Variants in EHBP1L1 observed in about 807,000 individuals in gnomAD.
EHBP1L1 encodes EH domain binding protein 1 like 1.
In EHBP1L1, 122 loss-of-function variants were observed where a neutral mutation model predicts 151.1. The ratio of observed to expected loss-of-function variants is 0.81; its 90% confidence interval spans 0.70 to 0.94. The LOEUF (loss-of-function observed/expected upper bound fraction) is 0.94. Ranked by LOEUF, EHBP1L1 falls within the 40% of genes least tolerant of loss-of-function variation. The pLI is 0.00. For missense variants in EHBP1L1, 1,941 were observed against 1,959.8 expected, an observed-to-expected ratio of 0.99 and a Z score of 0.18; for synonymous variants, 878 against 810.1, an observed-to-expected ratio of 1.08 and a Z score of -1.42.
chr11:65,583,415 C>A lies in EHBP1L1; in HGVS notation c.2743C>A (p.Gln915Lys), dbSNP rs777713084. The A allele has an allele frequency of 4.5e-5, 72 of 1,613,236 alleles. No individual in the cohort carries two copies. The highest frequency in any genetic ancestry group is 6.0e-5 in the Non-Finnish European group (71 of 1,179,722). Residue 915 changes from glutamine to lysine, a missense_variant, in exon 9 of 19, where the codon CAG becomes AAG. Gln to Lys is a moderately conservative substitution (Grantham distance 53). Transcript: ENST00000309295. ...CACTCAGCCAAGAGTTTTAGGATCC[C>A]AGGAAGCAAAAGCAGAGATTTCAGG... ...PVTQPRVLGS[Q>K]EAKAEISGVQ...
chr11:65,585,510 G>T lies in EHBP1L1; in HGVS notation c.3852G>T (p.Lys1284Asn). ...FSHVRDADLLKKRRSRLRNSS... is the reference protein window; with the variant it reads ...FSHVRDADLLNKRRSRLRNSS... ...ACGTGCGCGACGCGGACCTGCTCAAGAAGAGGCGCTCGCGGCTGCGGAACA... is the reference window on the plus strand; with the variant it reads ...ACGTGCGCGACGCGGACCTGCTCAATAAGAGGCGCTCGCGGCTGCGGAACA... Residue 1284 changes from lysine to asparagine, a missense_variant, in exon 12 of 19, where the codon AAG becomes AAT. Transcript: ENST00000309295. This position sits in a 1 kb window ranked among gnomAD's most constrained non-coding sequence, Gnocchi z 4.0. 6.4e-7 allele frequency: 1 copy of T among 1,566,610 alleles called. No individual in the cohort carries two copies. Among genetic ancestry groups the T allele is most frequent in the East Asian group, 2.4e-5 (1 of 42,430 alleles).
intron 11 of EHBP1L1, 156 bp from the exon 12 acceptor site, chr11:65,584,803 C>A: frequency 1.8e-6 from 2 of 1,108,696 alleles, no homozygotes; most frequent in Non-Finnish European, 1.3e-6. Context: ...CGAGGGCGGG[C>A]CTTGTTGCTG....
rs1367620824 is a variant in EHBP1L1, at chr11:65,581,547, G to C, written c.875G>C (p.Arg292Thr). The C allele has an allele frequency of 1.1e-5, 17 of 1,495,462 alleles. No homozygotes were observed. The highest frequency in any genetic ancestry group is 4.9e-5 in the Admixed American group (2 of 40,664). The allele number at this position is 1,495,462 out of a possible 1,614,324, so 92.6% of individuals were successfully genotyped here. A position where few individuals can be genotyped will look rare whatever the true frequency, so the allele number is the denominator to read the frequency against. Residue 292 changes from arginine to threonine, a missense_variant, in exon 9 of 19, where the codon AGG (arginine) becomes ACG (threonine). Arg to Thr is a moderately conservative substitution (Grantham distance 71, BLOSUM62 -1). Coordinates refer to ENST00000309295, the MANE Select transcript of EHBP1L1 (RefSeq NM_001099409.3). ...PETSPEMRSSRQPAQDTAPTP... is the reference protein window; with the variant it reads ...PETSPEMRSSTQPAQDTAPTP... Reference sequence around the variant, plus strand: ...TCCTGCTCTCTTCTCAGGTCTTCAAGGCAGCCAGCCCAGGACACGGCCCCC... The same window carrying C: ...TCCTGCTCTCTTCTCAGGTCTTCAACGCAGCCAGCCCAGGACACGGCCCCC...
In EHBP1L1 at chr11:65,581,945, G is replaced by C. The variant is rs776683152; in HGVS notation, c.1273G>C (p.Asp425His). The C allele has an allele frequency of 6.2e-7, 1 of 1,613,850 alleles. No homozygotes were observed. The highest frequency in any genetic ancestry group is 2.2e-5 in the East Asian group (1 of 44,886). The stretch of plus-strand genomic sequence containing the variant: ...AGAGAGTTCAGCAGTTTGTCAAGTG[G>C]ATGCTGAGCAGAGGTCAAAGGTGAG... ...AEESSAVCQV[D>H]AEQRSKVRHV... The change falls in exon 9 of 19, where the codon GAT becomes CAT. Residue 425 changes from aspartate (D) to histidine (H), a missense_variant. Physicochemically the swap from Asp to His is moderately conservative, Grantham distance 81. Coordinates refer to ENST00000309295, the MANE Select transcript of EHBP1L1 (RefSeq NM_001099409.3).
rs1274076257 is a variant in EHBP1L1, at chr11:65,583,614, T to C, written c.2942T>C (p.Val981Ala). Residue 981 changes from valine (V) to alanine (A), a missense_variant, in exon 9 of 19, where the codon GTC becomes GCC. Coordinates refer to ENST00000309295, the MANE Select transcript of EHBP1L1 (RefSeq NM_001099409.3). ...TFKAQEAEAGVLGNEKGKEAE... is the reference protein window; with the variant it reads ...TFKAQEAEAGALGNEKGKEAE... ...AAGGCCCAGGAAGCGGAGGCTGGGG[T>C]CTTGGGAAATGAGAAGGGGAAAGAA... The C allele has an allele frequency of 6.2e-7, 1 of 1,607,612 alleles. No individual in the cohort carries two copies. Among genetic ancestry groups the C allele is most frequent in the South Asian group, 1.1e-5 (1 of 90,200 alleles).
In EHBP1L1 at chr11:65,576,288, G is replaced by A. The variant is rs777134983; in HGVS notation, c.-15G>A. On this transcript the variant is annotated 5_prime_UTR_variant, in exon 1 of 19. Coordinates refer to ENST00000309295, the MANE Select transcript of EHBP1L1 (RefSeq NM_001099409.3). Reference sequence around the variant, plus strand: ...GCCCCGGGCCTGAGAAGTGGGCGGCGGGGTGGCGGGGGCCATGACCTCGGT... The same window carrying A: ...GCCCCGGGCCTGAGAAGTGGGCGGCAGGGTGGCGGGGGCCATGACCTCGGT... 3 of 1,571,830 alleles carry A rather than the reference G, an allele frequency of 1.9e-6. No individual in the cohort carries two copies. Among genetic ancestry groups the A allele is most frequent in the South Asian group, 2.3e-5 (2 of 86,748 alleles).
Position 65,582,219 on chromosome 11 carries a change from C to A in EHBP1L1, c.1547C>A (p.Pro516His). ...REGAEVRGGA[P>H]GIEGTGLEQG... ...GGTGCAGAAGTGAGGGGTGGAGCAC[C>A]TGGTATTGAGGGGACAGGCCTGGAG... Residue 516 changes from proline (P) to histidine (H), a missense_variant, in exon 9 of 19, where the codon CCT becomes CAT. By Grantham distance (77) the Pro-to-His change is moderately conservative. Transcript: ENST00000309295. 6.5e-7 allele frequency: 1 copy of A among 1,532,254 alleles called. No homozygotes were observed. Among genetic ancestry groups the A allele is most frequent in the Non-Finnish European group, 8.7e-7 (1 of 1,143,604 alleles). 94.9% of individuals were successfully genotyped at this position (1,532,254 alleles called of 1,614,324 possible).
Position 65,585,062 on chromosome 11 carries a change from G to T in EHBP1L1, c.3404G>T (p.Cys1135Phe). The change falls in exon 12 of 19, where the codon TGC becomes TTC. Residue 1135 changes from cysteine (C) to phenylalanine (F), a missense_variant. Physicochemically the swap from Cys to Phe is radical, Grantham distance 205 (BLOSUM62 -2). Transcript: ENST00000309295. The surrounding 1 kb of genome is among the most constrained non-coding windows in gnomAD (Gnocchi z 4.0). ...PDKLIVMTYL[C>F]QIRAFCTGQE... The stretch of plus-strand genomic sequence containing the variant: ...AAGCTCATCGTCATGACGTACCTGT[G>T]CCAGATCCGCGCCTTCTGCACCGGG... 6.5e-7 allele frequency: 1 copy of T among 1,543,896 alleles called. No homozygotes were observed. The highest frequency in any genetic ancestry group is 1.2e-5 in the South Asian group (1 of 84,492).
chr11:65,581,243 C>T lies in EHBP1L1; in HGVS notation c.736C>T (p.Pro246Ser), dbSNP rs1411185996. ...CCCTTCTAATGCTGAGGATACCAGC[C>T]CAGCCCCTGTGAGTGCTCCTGCACC... The part of the protein sequence containing the change: ...ASPSNAEDTS[P>S]APVSAPAPPA... The change falls in exon 8 of 19, where the codon CCA (proline) becomes TCA (serine). Residue 246 changes from proline to serine, a missense_variant. Coordinates refer to ENST00000309295, the MANE Select transcript of EHBP1L1 (RefSeq NM_001099409.3). 2 of 1,611,548 alleles carry T rather than the reference C, an allele frequency of 1.2e-6. No individual in the cohort carries two copies. The highest frequency in any genetic ancestry group is 2.2e-5 in the South Asian group (2 of 90,980).
chr11:65,589,524 C>T (rs894826442), intron 12 of EHBP1L1, among the ~76,000 whole-genome samples: 1 of 152,170 alleles, frequency 6.6e-6, no homozygotes, highest in East Asian at 1.9e-4. Context: ...GGCCCAGGGC[C>T]ACAGGGCCAG....
At chr11:65,581,420 C>A (rs1433860197) in intron 8 of EHBP1L1, 47 bp downstream of exon 8, 2 of 1,476,076 alleles carry the variant, frequency 1.4e-6, no homozygotes, top group South Asian at 2.8e-5. Flanking sequence ...CTGATAGGAG[C>A]TGCAGTCCTC....
In EHBP1L1 at chr11:65,591,842, C is replaced by G; in HGVS notation, c.4326C>G (p.Ser1442Arg). 1 of 1,474,572 alleles carries G rather than the reference C, an allele frequency of 6.8e-7. No individual in the cohort carries two copies. The highest frequency in any genetic ancestry group is 9.1e-7 in the Non-Finnish European group (1 of 1,100,398). 91.3% of individuals were successfully genotyped at this position (1,474,572 alleles called of 1,614,324 possible). Residue 1442 changes from serine (S) to arginine (R), a missense_variant, in exon 17 of 19, where the codon AGC (serine) becomes AGG (arginine). Physicochemically the swap from Ser to Arg is moderately radical, Grantham distance 110. Coordinates refer to ENST00000309295, the MANE Select transcript of EHBP1L1 (RefSeq NM_001099409.3). ...QDLERRFELL[S>R]RELRAMLAIE... ...TGGAGCGAAGGTTCGAGCTGCTGAG[C>G]CGCGAGCTGCGGGCCATGCTGGCCA...
In EHBP1L1 at chr11:65,585,031, C is replaced by A. The variant is rs913537293; in HGVS notation, c.3373C>A (p.Pro1125Thr). The A allele has an allele frequency of 6.5e-7, 1 of 1,537,142 alleles. No homozygotes were observed. Among genetic ancestry groups the A allele is most frequent in the Non-Finnish European group, 8.7e-7 (1 of 1,147,910 alleles). Residue 1125 changes from proline (P) to threonine (T), a missense_variant, in exon 12 of 19, where the codon CCC becomes ACC. Pro to Thr is a conservative substitution (Grantham distance 38). Coordinates refer to ENST00000309295, the MANE Select transcript of EHBP1L1 (RefSeq NM_001099409.3). This position sits in a 1 kb window ranked among gnomAD's most constrained non-coding sequence, Gnocchi z 4.0. ...EPADMVLLSV[P>T]DKLIVMTYLC... Reference sequence around the variant, plus strand: ...CGCGGACATGGTGCTACTGTCGGTGCCCGACAAGCTCATCGTCATGACGTA... The same window carrying A: ...CGCGGACATGGTGCTACTGTCGGTGACCGACAAGCTCATCGTCATGACGTA...
intron 1 of EHBP1L1, among the ~76,000 whole-genome samples, chr11:65,576,827 G>A (rs1450072180): frequency 1.3e-5 from 2 of 152,164 alleles, no homozygotes; most frequent in African/African-American, 2.4e-5. Context: ...TAAGAACAGA[G>A]ATGTTGCCCC....
intron 14 of EHBP1L1, 25 bp from the exon 15 acceptor site, chr11:65,590,062 T>G (rs1018051882): frequency 6.2e-7 from 1 of 1,613,728 alleles, no homozygotes; most frequent in Non-Finnish European, 8.5e-7. Context: ...GAGTCCACCC[T>G]GTTCTCTGCC....
At position 65,583,076 on chromosome 11, in the gene EHBP1L1, G is replaced by A. The variant is rs1354353110; in HGVS notation, c.2404G>A (p.Gly802Arg). The A allele has an allele frequency of 1.2e-6, 2 of 1,613,264 alleles. No homozygotes were observed. The highest frequency in any genetic ancestry group is 1.7e-6 in the Non-Finnish European group (2 of 1,179,736). ...DTTGIQVKEV[G>R]GSEVPEIATG... The stretch of plus-strand genomic sequence containing the variant: ...AACAGGGATCCAGGTGAAAGAGGTT[G>A]GGGGTTCAGAGGTTCCAGAGATAGC... Residue 802 changes from glycine to arginine, a missense_variant, in exon 9 of 19, where the codon GGG becomes AGG. Coordinates refer to ENST00000309295, the MANE Select transcript of EHBP1L1 (RefSeq NM_001099409.3).
intron 18 of EHBP1L1, 38 bp from the exon 19 acceptor site, chr11:65,592,165 C>A: frequency 6.2e-7 from 1 of 1,603,006 alleles, no homozygotes. Context: ...GTGTGGACCC[C>A]GCCCAACGGA....
intron 6 of EHBP1L1, 159 bp from the exon 7 acceptor site, chr11:65,580,899 C>T: frequency 1.4e-6 from 2 of 1,428,676 alleles, no homozygotes; most frequent in South Asian, 3.0e-5. Flanking sequence ...TCTTTCTCTC[C>T]ACATCTGTGG....
At chr11:65,590,250 C>T (rs770299107) in intron 15 of EHBP1L1, 40 bp downstream of exon 15, 7 of 1,607,960 alleles carry the variant, frequency 4.4e-6, no homozygotes, top group Non-Finnish European at 4.2e-6. Context: ...CAACACATGC[C>T]ACTAGGTCTG....
Sources: allele counts gnomAD v4.1 joint callset (sites outside exome capture counted in the v4.1 genomes callset), GRCh38; gene constraint gnomAD v4.1.1; non-coding constraint Gnocchi (gnomAD v3.1); transcripts MANE v1.5; gene names NCBI Gene and HGNC (gene_info 2026-07-23, HGNC 2026-07-21).